PHAF1: variants seen among roughly 807,000 people sequenced by gnomAD.
The protein encoded by PHAF1 is phagophore assembly factor 1.
In PHAF1, 23 loss-of-function variants were observed where a neutral mutation model predicts 63.1. The ratio of observed to expected loss-of-function variants is 0.36; its 90% confidence interval spans 0.26 to 0.52. PHAF1 has a LOEUF of 0.52. PHAF1 is among the 20% of genes least tolerant of loss of function. The probability of loss-of-function intolerance (pLI) is 0.93; values close to 1 mark genes in which losing one functional copy is unlikely to be tolerated. For synonymous variants in PHAF1, 167 were observed against 185.0 expected (o/e 0.90, Z 0.79); for missense variants, 427 against 517.2 (o/e 0.83, Z 1.69).
chr16:67,123,881 A>G (rs917699323), intron 2 of PHAF1, among the ~76,000 whole-genome samples: 2 of 152,196 alleles, frequency 1.3e-5, no homozygotes, highest in African/African-American at 2.4e-5. Flanking sequence ...AGTACGTCCC[A>G]TCTTTCTTAG....
intron 1 of PHAF1, among the ~76,000 whole-genome samples, chr16:67,119,854 A>G (rs1236608695): frequency 6.6e-6 from 1 of 152,216 alleles, no homozygotes; most frequent in Admixed American, 6.5e-5. Context: ...GATATCCACC[A>G]CCACAGATAA....
chr16:67,147,281 C>G lies in PHAF1; in HGVS notation c.*150C>G. ...TCTGAGGTTGGGCTCAGGCTGGGTGCTCTGCCATGGGCTGAGTGGCCCAGA... is the reference window on the plus strand; with the variant it reads ...TCTGAGGTTGGGCTCAGGCTGGGTGGTCTGCCATGGGCTGAGTGGCCCAGA... On this transcript the variant is annotated 3_prime_UTR_variant, in exon 16 of 16. Transcript: ENST00000219139. The G allele has an allele frequency of 1.4e-6, 1 of 715,560 alleles. No individual in the cohort carries two copies. The highest frequency in any genetic ancestry group is 2.3e-6 in the Non-Finnish European group (1 of 428,916). The allele number at this position is 715,560 out of a possible 1,614,324, so 44.3% of individuals were successfully genotyped here. A position where few individuals can be genotyped will look rare whatever the true frequency, so the allele number is the denominator to read the frequency against.
Position 67,117,199 on chromosome 16 carries a change from ATTTTT to A in PHAF1, c.65-2894_65-2890del, listed in dbSNP as rs750308105. Among the ~76,000 whole-genome samples, 101 of 111,948 alleles carry A rather than the reference ATTTTT, an allele frequency of 9.0e-4. 1 individual carries two copies. The highest frequency in any genetic ancestry group is 3.0e-3 in the African/African-American group (75 of 25,112). 73.4% of individuals were successfully genotyped at this position (111,948 alleles called of 152,430 possible). A position where few individuals can be genotyped will look rare whatever the true frequency, so the allele number is the denominator to read the frequency against. ...AGGCACACACCACCATGCCCAGCTA[ATTTTT>A]TTTTTTTTTTTTTTTTTTGTATTTT... On this transcript the variant is annotated intron_variant, in intron 1 of 15. Coordinates refer to ENST00000219139, the MANE Select transcript of PHAF1 (RefSeq NM_025187.5).
rs112316420 is a variant in PHAF1, at chr16:67,133,064, G to A, written c.450+153G>A. 1,935 of 669,146 alleles carry A rather than the reference G, an allele frequency of 2.9e-3. 5 individuals carry two copies. Among genetic ancestry groups the A allele is most frequent in the Non-Finnish European group, 4.1e-3 (1,545 of 380,850 alleles). 41.5% of individuals were successfully genotyped at this position (669,146 alleles called of 1,614,324 possible). On this transcript the variant is annotated intron_variant, in intron 6 of 15. Transcript: ENST00000219139. ...GAGCTCTACAGGGTAAAGTGGTAGA[G>A]TGGGTGGGTTGACAGAGGAAGAACA...
At chr16:67,134,128 C>T (rs761545720) in intron 6 of PHAF1, 40 bp from the exon 7 acceptor site, 4 of 1,525,442 alleles carry the variant, frequency 2.6e-6, no homozygotes. Context: ...GTCCCATCAC[C>T]TGTTGTGCCC....
rs2030239261 is a variant in PHAF1, at chr16:67,147,920, G to A, written c.*789G>A. 6.5e-6 allele frequency: 1 copy of A among 152,700 alleles called. No individual in the cohort carries two copies. Among genetic ancestry groups the A allele is most frequent in the Non-Finnish European group, 1.5e-5 (1 of 68,066 alleles). The allele number at this position is 152,700 out of a possible 1,614,324, so 9.5% of individuals were successfully genotyped here. A position where few individuals can be genotyped will look rare whatever the true frequency, so the allele number is the denominator to read the frequency against. ...TTTCAGCATTCTGTTCTGCACTGTG[G>A]GCTGGCTCTCTGCCCCAACCCTGGG... On this transcript the variant is annotated 3_prime_UTR_variant, in exon 16 of 16. Transcript: ENST00000219139.
Position 67,110,139 on chromosome 16 carries a change from C to A in PHAF1, c.-37C>A. ...CTTAGCTCGGGTCCCTTCTGCGCTGCCGCAGGGAGGCCGCCCGGGCCAGGC... is the reference window on the plus strand; with the variant it reads ...CTTAGCTCGGGTCCCTTCTGCGCTGACGCAGGGAGGCCGCCCGGGCCAGGC... On this transcript the variant is annotated 5_prime_UTR_variant, in exon 1 of 16. Coordinates refer to ENST00000219139, the MANE Select transcript of PHAF1 (RefSeq NM_025187.5). 1 of 1,549,504 alleles carries A rather than the reference C, an allele frequency of 6.5e-7. No homozygotes were observed. Among genetic ancestry groups the A allele is most frequent in the Non-Finnish European group, 8.7e-7 (1 of 1,146,592 alleles).
At chr16:67,117,917 T>A (rs1041789864) in intron 1 of PHAF1, among the ~76,000 whole-genome samples, 1 of 149,380 alleles carries the variant, frequency 6.7e-6, no homozygotes, top group African/African-American at 2.5e-5. Flanking sequence ...GCCTCCTGAG[T>A]AGCTGGGATG....
chr16:67,145,673 A>G, intron 14 of PHAF1, 45 bp downstream of exon 14: 1 of 1,577,372 alleles, frequency 6.3e-7, no homozygotes, highest in African/African-American at 1.4e-5. Flanking sequence ...CTGACTCCTC[A>G]GAGCCCAGAA....
At chr16:67,142,016 A>G (rs1963830424) in intron 10 of PHAF1, among the ~76,000 whole-genome samples, 1 of 152,230 alleles carries the variant, frequency 6.6e-6, no homozygotes, top group Non-Finnish European at 1.5e-5. Flanking sequence ...AGGTATGCAG[A>G]CAGCTGGAGG....
At chr16:67,138,555 C>T (rs533790965) in intron 8 of PHAF1, among the ~76,000 whole-genome samples, 9 of 152,052 alleles carry the variant, frequency 5.9e-5, no homozygotes, top group East Asian at 1.9e-4. Context: ...ACCTTGTCTC[C>T]CCCTCCACAA....
intron 3 of PHAF1, among the ~76,000 whole-genome samples, chr16:67,128,891 C>T (rs1009944560): frequency 3.3e-5 from 5 of 152,154 alleles, no homozygotes; most frequent in Non-Finnish European, 7.3e-5. Flanking sequence ...ATGTGTTGGA[C>T]CCGTATAGCT....
chr16:67,132,360 A>G, intron 4 of PHAF1, 86 bp from the exon 5 acceptor site: 1 of 1,226,464 alleles, frequency 8.2e-7, no homozygotes, highest in Non-Finnish European at 1.1e-6. Context: ...CCTGTGTCTT[A>G]AAAATAACTC....
At chr16:67,125,082 A>G (rs1264592568) in intron 2 of PHAF1, among the ~76,000 whole-genome samples, 1 of 152,150 alleles carries the variant, frequency 6.6e-6, no homozygotes, top group African/African-American at 2.4e-5. Context: ...TGGGGCAGAC[A>G]CAAGAGGAGA....
At chr16:67,127,568 G>A (rs914847830) in intron 3 of PHAF1, among the ~76,000 whole-genome samples, 4 of 151,968 alleles carry the variant, frequency 2.6e-5, no homozygotes, top group African/African-American at 4.8e-5. Context: ...AGGCTGAGGC[G>A]GGTGGATCAC....
intron 8 of PHAF1, chr16:67,139,610 A>G (rs941411187): frequency 3.3e-5 from 6 of 181,828 alleles, no homozygotes; most frequent in African/African-American, 1.4e-4. Flanking sequence ...TGGCCTCCCA[A>G]AGTGCTGGGA....
At chr16:67,122,214 A>G (rs1963009258) in intron 2 of PHAF1, among the ~76,000 whole-genome samples, 1 of 152,170 alleles carries the variant, frequency 6.6e-6, no homozygotes. Flanking sequence ...TGTATTTCTT[A>G]TATCACCATC....
rs2280019 is a variant in PHAF1, at chr16:67,146,853, G to A, written c.1183-192G>A. 2.4e-3 allele frequency among the ~76,000 whole-genome samples: 363 copies of A among 151,178 alleles called. 12 individuals carry two copies. In the East Asian group the frequency reaches 0.061, roughly 25 times the overall value. On this transcript the variant is annotated intron_variant, in intron 15 of 15. Coordinates refer to ENST00000219139, the MANE Select transcript of PHAF1 (RefSeq NM_025187.5). ...TGGACACGTGGCCATGGTAAAGGCT[G>A]TGTGTAACCATTGAGAAACAGGCAG...
Position 67,132,901 on chromosome 16 carries a change from C to T in PHAF1, c.440C>T (p.Pro147Leu). Residue 147 changes from proline (P) to leucine (L), a missense_variant, in exon 6 of 16, where the codon CCA becomes CTA. Physicochemically the swap from Pro to Leu is moderately conservative, Grantham distance 98 (BLOSUM62 -3). Coordinates refer to ENST00000219139, the MANE Select transcript of PHAF1 (RefSeq NM_025187.5). Reference protein sequence around the residue: ...SFQLDSWTEAPKYEPNFAHGL... With the variant: ...SFQLDSWTEALKYEPNFAHGL... ...CAGTTAGACTCATGGACTGAGGCTC[C>T]AAAGTATGAGGTTAGCCCTTCCTGT... The T allele has an allele frequency of 1.2e-6, 2 of 1,608,750 alleles. No homozygotes were observed. The highest frequency in any genetic ancestry group is 1.7e-6 in the Non-Finnish European group (2 of 1,175,116).
Sources: gnomAD v4.1 joint callset for allele counts (sites outside exome capture counted in the v4.1 genomes callset) on GRCh38, gnomAD v4.1.1 for gene constraint, MANE v1.5 for transcripts, NCBI Gene and HGNC (gene_info 2026-07-23, HGNC 2026-07-21) for gene names.